Variants in CHN1 observed in about 807,000 individuals in gnomAD.
CHN1 encodes the protein N-chimaerin.
CHN1 carries 37 observed loss-of-function variants against 59.5 expected under a neutral mutation model. That is an observed-to-expected ratio of 0.62 (90% CI 0.48 to 0.82). The LOEUF is 0.82. Among genes scored for constraint, CHN1 ranks in the 40% least tolerant of loss-of-function variants. The pLI, the probability that CHN1 is intolerant of heterozygous loss-of-function variation, is 0.00. For missense variants in CHN1, 469 were observed against 571.0 expected (o/e 0.82, Z 1.82); for synonymous variants, 206 against 200.4 (o/e 1.03, Z -0.24).
chr2:174,804,164 T>C (rs1317408031), intron 11 of CHN1, among the ~76,000 whole-genome samples: 2 of 152,162 alleles, frequency 1.3e-5, no homozygotes, highest in Non-Finnish European at 2.9e-5. Flanking sequence ...GTGGTCAGGA[T>C]AGACCTCAAT....
intron 1 of CHN1, among the ~76,000 whole-genome samples, chr2:174,972,873 A>G (rs212363): frequency 0.48 from 72,582 of 152,080 alleles, 18,119 homozygotes; most frequent in African/African-American, 0.61. Flanking sequence ...CTGCATCCAC[A>G]GAAAAAGTGA....
Position 174,799,808 on chromosome 2 carries a change from G to T in CHN1, c.*308C>A. ...CACAGACTACCCAGGACGCAGAGGC[G>T]GTGCAGGCGCAGGTTTGTTGTTTCT... is the stretch of plus-strand genomic sequence containing the variant. On this transcript the variant is annotated 3_prime_UTR_variant, in exon 13 of 13. Transcript: ENST00000409900. 1.8e-6 allele frequency: 1 copy of T among 550,552 alleles called. No individual in the cohort carries two copies. Among genetic ancestry groups the T allele is most frequent in the South Asian group, 1.5e-5 (1 of 65,316 alleles). The allele number at this position is 550,552 out of a possible 1,614,324, so 34.1% of individuals were successfully genotyped here.
chr2:174,945,468 C>A (rs1484950303), intron 2 of CHN1, among the ~76,000 whole-genome samples: 1 of 152,040 alleles, frequency 6.6e-6, no homozygotes, highest in African/African-American at 2.4e-5. Flanking sequence ...TCAACTAGGG[C>A]AAATATAGCA....
At chr2:174,923,008 G>A (rs146102931) in intron 3 of CHN1, among the ~76,000 whole-genome samples, 1 of 152,254 alleles carries the variant, frequency 6.6e-6, no homozygotes, top group Non-Finnish European at 1.5e-5. Flanking sequence ...GAAAGTGGGT[G>A]GAGAACAGAC....
At chr2:174,953,486 T>C (rs1393406580) in intron 1 of CHN1, among the ~76,000 whole-genome samples, 1 of 152,130 alleles carries the variant, frequency 6.6e-6, no homozygotes, top group Non-Finnish European at 1.5e-5. Flanking sequence ...AGTCAAACTG[T>C]TGTTGTTTGC....
chr2:174,931,033 G>T (rs1335346423), intron 3 of CHN1, among the ~76,000 whole-genome samples: 1 of 152,012 alleles, frequency 6.6e-6, no homozygotes, highest in Non-Finnish European at 1.5e-5. Context: ...CTCCCAAAGT[G>T]CTGGGATTAT....
intron 3 of CHN1, among the ~76,000 whole-genome samples, chr2:174,918,947 C>T (rs572473271): frequency 6.6e-6 from 1 of 152,232 alleles, no homozygotes; most frequent in African/African-American, 2.4e-5. Flanking sequence ...CTCCTTCTTG[C>T]TCCAGACTCT....
chr2:174,957,577 C>A (rs1690253371), intron 1 of CHN1, among the ~76,000 whole-genome samples: 1 of 151,712 alleles, frequency 6.6e-6, no homozygotes, highest in South Asian at 2.1e-4. Context: ...CCTTGATATT[C>A]TGCTGTTATT....
At chr2:174,926,630 C>A (rs1050564533) in intron 3 of CHN1, among the ~76,000 whole-genome samples, 1 of 152,184 alleles carries the variant, frequency 6.6e-6, no homozygotes, top group Admixed American at 6.5e-5. Flanking sequence ...TGGAAAAATG[C>A]AGATTCACTG....
At chr2:174,918,196 A>G (rs542344317) in intron 4 of CHN1, among the ~76,000 whole-genome samples, 49 of 152,306 alleles carry the variant, frequency 3.2e-4, no homozygotes, top group Middle Eastern at 3.4e-3. Context: ...CCCACTGTAC[A>G]TACATGTGTG....
intron 10 of CHN1, among the ~76,000 whole-genome samples, chr2:174,810,364 A>G (rs13034776): frequency 0.051 from 7,737 of 152,264 alleles, 320 homozygotes; most frequent in African/African-American, 0.11. Context: ...TGAGCTCTTC[A>G]TGAATTTTAA....
intron 6 of CHN1, among the ~76,000 whole-genome samples, chr2:174,861,517 A>G (rs1687067528): frequency 6.6e-6 from 1 of 152,200 alleles, no homozygotes; most frequent in African/African-American, 2.4e-5. Flanking sequence ...TCCTGCCCTT[A>G]TACTGTCAGA....
At chr2:174,842,492 T>C (rs1686347677) in intron 7 of CHN1, among the ~76,000 whole-genome samples, 4 of 152,200 alleles carry the variant, frequency 2.6e-5, no homozygotes, top group South Asian at 2.1e-4. Flanking sequence ...CCGAGAATTT[T>C]AGAGCTGTAA....
At chr2:174,972,586 G>A (rs1166279443) in intron 1 of CHN1, among the ~76,000 whole-genome samples, 1 of 152,172 alleles carries the variant, frequency 6.6e-6, no homozygotes, top group Non-Finnish European at 1.5e-5. Context: ...GTGGGTGGCA[G>A]AGCAGTAGTC....
intron 6 of CHN1, 55 bp from the exon 7 acceptor site, chr2:174,847,012 A>G (rs1204890315): frequency 1.3e-6 from 2 of 1,551,538 alleles, no homozygotes; most frequent in Admixed American, 3.9e-5. Flanking sequence ...ACGACTTTGG[A>G]GAACCCAGTT....
chr2:174,992,350 G>C (rs544906380), intron 1 of CHN1, among the ~76,000 whole-genome samples: 2 of 152,318 alleles, frequency 1.3e-5, no homozygotes, highest in East Asian at 3.9e-4. Context: ...GGTGTTCACT[G>C]TTGAAACCTA....
At chr2:174,930,769 T>TA (rs1491309559) in intron 3 of CHN1, among the ~76,000 whole-genome samples, 1 of 129,312 alleles carries the variant, frequency 7.7e-6, no homozygotes, top group East Asian at 2.0e-4. Flanking sequence ...CTATAGCTGA[T>TA]TTTTTTTTTT....
At chr2:174,834,612 A>C (rs952021858) in intron 7 of CHN1, among the ~76,000 whole-genome samples, 15 of 152,188 alleles carry the variant, frequency 9.9e-5, no homozygotes, top group African/African-American at 3.6e-4. Context: ...TTTTGATGAG[A>C]ATTTTGCTGC....
intron 3 of CHN1, among the ~76,000 whole-genome samples, chr2:174,918,977 A>C (rs1688925982): frequency 6.6e-6 from 1 of 151,766 alleles, no homozygotes; most frequent in African/African-American, 2.4e-5. Context: ...TAGCATTTCC[A>C]TATACTCTTA....
Sources: gnomAD v4.1 joint callset for allele counts (sites outside exome capture counted in the v4.1 genomes callset) on GRCh38, gnomAD v4.1.1 for gene constraint, MANE v1.5 for transcripts, NCBI Gene and HGNC (gene_info 2026-07-23, HGNC 2026-07-21) for gene names.